Variants in PSAT1 observed in about 807,000 individuals in gnomAD.
PSAT1 encodes phosphoserine aminotransferase 1, also known as phosphoserine aminotransferase.
In PSAT1, 41 loss-of-function variants were observed where a neutral mutation model predicts 40.3. That is an observed-to-expected ratio of 1.02 (90% CI 0.79 to 1.32). The LOEUF (loss-of-function observed/expected upper bound fraction) is 1.32. Ranked by LOEUF, PSAT1 falls within the 40% of genes most tolerant of loss-of-function variation. The pLI is 0.00. For missense variants in PSAT1, 406 were observed against 455.8 expected (o/e 0.89, Z 0.99); for synonymous variants, 147 against 170.5 (o/e 0.86, Z 1.07).
In PSAT1 at chr9:78,330,069, A is replaced by G. The variant is rs1828557794; in HGVS notation, c.*983A>G. 1 of 152,230 alleles carries G rather than the reference A, an allele frequency of 6.6e-6. No individual in the cohort carries two copies. Among genetic ancestry groups the G allele is most frequent in the South Asian group, 2.1e-4 (1 of 4,832 alleles). 9.4% of individuals were successfully genotyped at this position (152,230 alleles called of 1,614,324 possible). A position where few individuals can be genotyped will look rare whatever the true frequency, so the allele number is the denominator to read the frequency against. On this transcript the variant is annotated 3_prime_UTR_variant, in exon 9 of 9. Transcript: ENST00000376588. The stretch of plus-strand genomic sequence containing the variant: ...AGTATTTTATGTTGAATATGTAAAG[A>G]ACATTAAAGTCCTAAAACATCTAAG...
chr9:78,327,130 AT>A (rs34879641), intron 7 of PSAT1, among the ~76,000 whole-genome samples: 16,247 of 141,744 alleles, frequency 0.11, 1,053 homozygotes, highest in East Asian at 0.27. Context: ...TAATTTTTGT[AT>A]TTTTTTTTTT....
intron 7 of PSAT1, among the ~76,000 whole-genome samples, chr9:78,320,118 CCACT>C (rs975769483): frequency 3.3e-5 from 5 of 151,328 alleles, no homozygotes; most frequent in Admixed American, 3.3e-4. Flanking sequence ...ATCCATCTAC[CCACT>C]CACTCATCCA....
chr9:78,320,878 C>A (rs565461953), intron 7 of PSAT1, among the ~76,000 whole-genome samples: 2 of 152,142 alleles, frequency 1.3e-5, no homozygotes, highest in African/African-American at 4.8e-5. Context: ...GCTTTTAGCT[C>A]TATACATTTC....
At chr9:78,298,481 G>A (rs959521741) in intron 1 of PSAT1, 1 of 967,044 alleles carries the variant, frequency 1.0e-6, no homozygotes, top group African/African-American at 1.8e-5. Context: ...AGAGGACAGG[G>A]CTTATTTTTT....
chr9:78,319,668 G>A (rs781552211), intron 7 of PSAT1, among the ~76,000 whole-genome samples: 1 of 152,210 alleles, frequency 6.6e-6, no homozygotes, highest in East Asian at 1.9e-4. Context: ...GGAAAAGGGG[G>A]ATACTCTTTG....
At position 78,329,326 on chromosome 9, in the gene PSAT1, A is replaced by G; in HGVS notation, c.*240A>G. 3.9e-6 allele frequency: 2 copies of G among 512,110 alleles called. No individual in the cohort carries two copies. Among genetic ancestry groups the G allele is most frequent in the East Asian group, 7.1e-5 (2 of 28,354 alleles). The allele number at this position is 512,110 out of a possible 1,614,324, so 31.7% of individuals were successfully genotyped here. On this transcript the variant is annotated 3_prime_UTR_variant, in exon 9 of 9. Transcript: ENST00000376588. Reference sequence around the variant, plus strand: ...TTTAAGAAATCTTGTTGCTTTTCTAACAAATTCCCGCGTATTTTGCCTTTG... The same window carrying G: ...TTTAAGAAATCTTGTTGCTTTTCTAGCAAATTCCCGCGTATTTTGCCTTTG...
rs532073374 is a variant in PSAT1 at position 78,329,207 on chromosome 9, C to A, written c.*121C>A. 1.3e-6 allele frequency: 1 copy of A among 754,484 alleles called. No individual in the cohort carries two copies. Among genetic ancestry groups the A allele is most frequent in the South Asian group, 1.5e-5 (1 of 67,012 alleles). 46.7% of individuals were successfully genotyped at this position (754,484 alleles called of 1,614,324 possible). On this transcript the variant is annotated 3_prime_UTR_variant, in exon 9 of 9. Coordinates refer to ENST00000376588, the MANE Select transcript of PSAT1 (RefSeq NM_058179.4). ...CAAATGAACATGTTTATTGCAGATT[C>A]TTCTTTTTTGAAAGAACAACAGCAA... is the stretch of plus-strand genomic sequence containing the variant.
At position 78,297,240 on chromosome 9, in the gene PSAT1, T is replaced by A. The variant is rs1828039115; in HGVS notation, c.30T>A (p.Phe10Leu). Reference protein sequence around the residue: MDAPRQVVNFGPGPAKLPHS... With the variant: MDAPRQVVNLGPGPAKLPHS... ...ACGCCCCCAGGCAGGTGGTCAACTT[T>A]GGGCCTGGTCCCGCCAAGCTGCCGC... The change falls in exon 1 of 9, where the codon TTT becomes TTA. Residue 10 changes from phenylalanine to leucine, a missense_variant. Transcript: ENST00000376588. 6.2e-7 allele frequency: 1 copy of A among 1,602,322 alleles called. No homozygotes were observed. The highest frequency in any genetic ancestry group is 8.5e-7 in the Non-Finnish European group (1 of 1,178,630).
At chr9:78,326,249 C>T (rs567875738) in intron 7 of PSAT1, among the ~76,000 whole-genome samples, 8 of 152,082 alleles carry the variant, frequency 5.3e-5, no homozygotes, top group South Asian at 4.2e-4. Context: ...GAATTCCACC[C>T]GTAGAAGTGT....
intron 7 of PSAT1, among the ~76,000 whole-genome samples, chr9:78,318,217 C>T (rs535527316): frequency 7.2e-5 from 11 of 152,332 alleles, no homozygotes; most frequent in South Asian, 2.1e-4. Context: ...TCCTCTTCTG[C>T]GTTATTTCCC....
At chr9:78,327,710 A>G (rs1271938694) in intron 7 of PSAT1, among the ~76,000 whole-genome samples, 1 of 152,184 alleles carries the variant, frequency 6.6e-6, no homozygotes, top group Non-Finnish European at 1.5e-5. Context: ...TTTGCCGTGC[A>G]GCTGCCATGT....
chr9:78,298,314 A>G, intron 1 of PSAT1: 1 of 985,442 alleles, frequency 1.0e-6, no homozygotes, highest in Non-Finnish European at 1.2e-6. Context: ...TTGGAGCAGC[A>G]TGAGGCATAG....
intron 6 of PSAT1, among the ~76,000 whole-genome samples, chr9:78,311,528 A>G (rs1309832928): frequency 6.6e-6 from 1 of 151,900 alleles, no homozygotes; most frequent in Non-Finnish European, 1.5e-5. Context: ...CTTGAAGAGC[A>G]TTTTTTTAAA....
intron 1 of PSAT1, 71 bp from the exon 2 acceptor site, chr9:78,300,531 G>C: frequency 1.3e-6 from 2 of 1,538,566 alleles, no homozygotes. Context: ...CCCTCGTCAG[G>C]TTTGTATGTT....
chr9:78,329,083 A>G lies in PSAT1; in HGVS notation c.1110A>G (p.Leu370=). The change falls in exon 9 of 9, where the codon CTA becomes CTG. Residue 370 remains leucine, a synonymous_variant. Coordinates refer to ENST00000376588, the MANE Select transcript of PSAT1 (RefSeq NM_058179.4). ...AAAAATTTTTGGAGATGCATCAGCT[A>G]TGAACACATCCTAACCAGGATATAC... ...FMKKFLEMHQ[L] is the part of the protein sequence containing the mutation. 6.2e-7 allele frequency: 1 copy of G among 1,603,478 alleles called. No homozygotes were observed. The highest frequency in any genetic ancestry group is 8.5e-7 in the Non-Finnish European group (1 of 1,171,840).
At chr9:78,299,009 G>A (rs570999678) in intron 1 of PSAT1, among the ~76,000 whole-genome samples, 20 of 151,918 alleles carry the variant, frequency 1.3e-4, no homozygotes, top group African/African-American at 4.3e-4. Flanking sequence ...GTGTGGTGGC[G>A]CACGCCTGTA....
intron 6 of PSAT1, among the ~76,000 whole-genome samples, chr9:78,308,940 G>C (rs1034212331): frequency 6.6e-6 from 1 of 152,112 alleles, no homozygotes; most frequent in Non-Finnish European, 1.5e-5. Flanking sequence ...GGGTGACAGA[G>C]GGAGACTCCA....
chr9:78,309,927 A>C (rs1194976167), intron 6 of PSAT1, among the ~76,000 whole-genome samples: 1 of 152,246 alleles, frequency 6.6e-6, no homozygotes, highest in Non-Finnish European at 1.5e-5. Flanking sequence ...AAGTAATAAT[A>C]GTACCCCTTT....
intron 6 of PSAT1, among the ~76,000 whole-genome samples, chr9:78,313,727 C>T (rs13288438): frequency 9.2e-5 from 14 of 152,186 alleles, no homozygotes; most frequent in African/African-American, 2.7e-4. Flanking sequence ...TCTCAGAAAC[C>T]GCAAACTCGT....
Sources: gnomAD v4.1 joint callset for allele counts (sites outside exome capture counted in the v4.1 genomes callset) on GRCh38, gnomAD v4.1.1 for gene constraint, MANE v1.5 for transcripts, NCBI Gene and HGNC (gene_info 2026-07-23, HGNC 2026-07-21) for gene names.